The following MEGF11 variants were observed in gnomAD, a reference collection of about 807,000 sequenced individuals.
MEGF11 encodes multiple EGF like domains 11.
Under a neutral mutation model 146.6 loss-of-function variants are expected in MEGF11, and 126 were observed. The observed-to-expected ratio is 0.86, with a 90% confidence interval of 0.74 to 1.00. MEGF11 has a LOEUF of 1.00. Among genes scored for constraint, MEGF11 ranks in the 50% least tolerant of loss-of-function variants. The pLI is 0.00. For synonymous variants in MEGF11, 532 were observed against 583.4 expected (o/e 0.91, Z 1.27); for missense variants, 1,509 against 1,521.2 (o/e 0.99, Z 0.13).
At position 65,982,082 on chromosome 15, in the gene MEGF11, C is replaced by T. The variant is rs2081659792; in HGVS notation, c.641+160G>A. Among the ~76,000 whole-genome samples, 1 of 152,146 alleles carries T rather than the reference C, an allele frequency of 6.6e-6. No individual in the cohort carries two copies. The highest frequency in any genetic ancestry group is 2.1e-4 in the South Asian group (1 of 4,832). ...ATCCCTCCTGGTCCCACCACCCAGC[C>T]CACCCACAAGGAGCCCAGGGCTGGG... is the stretch of plus-strand genomic sequence containing the variant. On this transcript the variant is annotated intron_variant, in intron 6 of 25. Coordinates refer to ENST00000395614, the MANE Select transcript of MEGF11 (RefSeq NM_001385028.1). The surrounding 1 kb of genome is among the most constrained non-coding windows in gnomAD (Gnocchi z 5.6).
intron 1 of MEGF11, among the ~76,000 whole-genome samples, chr15:66,181,780 T>G (rs957864042): frequency 6.6e-6 from 1 of 152,198 alleles, no homozygotes; most frequent in Non-Finnish European, 1.5e-5. Flanking sequence ...GGAGGGGCGC[T>G]GTGTCTCTGC....
chr15:65,930,807 A>G lies in MEGF11; in HGVS notation c.1408+16T>C, dbSNP rs752929440. ...CTCATATGTCAGGGATGGGCTTGGG[A>G]GAGAGGGCACATTACCTTCCTTGCA... is the stretch of plus-strand genomic sequence containing the variant. On this transcript the variant is annotated intron_variant, in intron 11 of 25. Coordinates refer to ENST00000395614, the MANE Select transcript of MEGF11 (RefSeq NM_001385028.1). 1.9e-6 allele frequency: 3 copies of G among 1,595,642 alleles called. No individual in the cohort carries two copies. Among genetic ancestry groups the G allele is most frequent in the African/African-American group, 2.7e-5 (2 of 74,512 alleles).
At chr15:66,101,461 T>G (rs2086805204) in intron 4 of MEGF11, among the ~76,000 whole-genome samples, 1 of 152,136 alleles carries the variant, frequency 6.6e-6, no homozygotes, top group Non-Finnish European at 1.5e-5. Context: ...TTCCCCTGAC[T>G]GCACTGCCCA....
chr15:66,061,641 C>CCTTT (rs10646787), intron 5 of MEGF11, among the ~76,000 whole-genome samples: 1 of 143,306 alleles, frequency 7.0e-6, no homozygotes, highest in Non-Finnish European at 1.5e-5. Context: ...TTTTTTGAGC[C>CCTTT]TTTTTTTTTT....
chr15:66,068,193 T>A (rs1597049346), intron 5 of MEGF11, among the ~76,000 whole-genome samples: 1 of 152,358 alleles, frequency 6.6e-6, no homozygotes, highest in East Asian at 1.9e-4. Context: ...AGGGCAGGGA[T>A]CCTGTCCTGT....
intron 9 of MEGF11, among the ~76,000 whole-genome samples, chr15:65,958,118 G>A (rs746500256): frequency 5.3e-5 from 8 of 152,240 alleles, no homozygotes; most frequent in Non-Finnish European, 1.0e-4. Context: ...TAAGGTGAAT[G>A]CCTAGTGTGG....
chr15:65,929,639 C>T, intron 12 of MEGF11, 81 bp downstream of exon 12: 2 of 1,472,498 alleles, frequency 1.4e-6, no homozygotes, highest in Non-Finnish European at 1.8e-6. Flanking sequence ...TCTCTGTGCA[C>T]TCTTGTGGAC....
intron 1 of MEGF11, among the ~76,000 whole-genome samples, chr15:66,170,945 C>G (rs547492338): frequency 1.4e-4 from 21 of 152,184 alleles, no homozygotes; most frequent in Non-Finnish European, 2.8e-4. Context: ...AGCCCTGCCC[C>G]GGGGGACCAC....
chr15:66,243,811 G>T (rs1439669041), intron 1 of MEGF11, among the ~76,000 whole-genome samples: 1 of 152,096 alleles, frequency 6.6e-6, no homozygotes, highest in Non-Finnish European at 1.5e-5. Flanking sequence ...TTTTTGGTCT[G>T]AGAAAAGATA....
chr15:65,910,968 G>A (rs1396740414), intron 21 of MEGF11, among the ~76,000 whole-genome samples: 2 of 152,192 alleles, frequency 1.3e-5, no homozygotes, highest in Non-Finnish European at 2.9e-5. Flanking sequence ...GTCCTTGGGG[G>A]CTGTTCTTCC....
intron 1 of MEGF11, among the ~76,000 whole-genome samples, chr15:66,215,941 G>A (rs747728663): frequency 1.3e-5 from 2 of 152,124 alleles, no homozygotes; most frequent in Non-Finnish European, 1.5e-5. Flanking sequence ...ATTCTCAACC[G>A]AGGCTCTCCA....
At chr15:65,936,572 C>T (rs1339000250) in intron 10 of MEGF11, among the ~76,000 whole-genome samples, 1 of 152,168 alleles carries the variant, frequency 6.6e-6, no homozygotes, top group Non-Finnish European at 1.5e-5. Flanking sequence ...GCTCCAAGGG[C>T]ACAGAAGAGA....
rs139067694 is a variant in MEGF11 at position 66,092,653 on chromosome 15, G to A, written c.394+1749C>T. ...TCTCTTTCATTAGGCCAGAAACCCT[G>A]AAAAGACACAGACCATGTCTAAAAA... is the stretch of plus-strand genomic sequence containing the variant. On this transcript the variant is annotated intron_variant, in intron 5 of 25. Coordinates refer to ENST00000395614, the MANE Select transcript of MEGF11 (RefSeq NM_001385028.1). Among the ~76,000 whole-genome samples, 42 of 152,278 alleles carry A rather than the reference G, an allele frequency of 2.8e-4. No homozygotes were observed. The East Asian group carries it at 7.7e-3, about 28-fold the overall frequency.
In MEGF11 at chr15:65,964,931, GGGGCA is replaced by G; in HGVS notation, c.1084_1088del (p.Cys362LeufsTer2). The G allele has an allele frequency of 2.5e-6, 4 of 1,570,336 alleles. No homozygotes were observed. Among genetic ancestry groups the G allele is most frequent in the Non-Finnish European group, 3.5e-6 (4 of 1,157,098 alleles). ...ACCTGATGGTGTTGTCAGCGTCACA[GGGGCA>G]GGGCAGGGTGCAGCCTGGGCCATGC... On this transcript the variant is annotated frameshift_variant, in exon 9 of 26. Coordinates refer to ENST00000395614, the MANE Select transcript of MEGF11 (RefSeq NM_001385028.1). LOFTEE classifies it high-confidence loss of function.
rs747123730 is a variant in MEGF11 at position 66,107,826 on chromosome 15, C to T, written c.301+11260G>A. The stretch of plus-strand genomic sequence containing the variant: ...CATCCTTGTCATCAACCAGCCTGCA[C>T]GTTCCAGCACTGGGCCCTACAGATA... On this transcript the variant is annotated intron_variant, in intron 4 of 25. Coordinates refer to ENST00000395614, the MANE Select transcript of MEGF11 (RefSeq NM_001385028.1). Among the ~76,000 whole-genome samples the T allele has an allele frequency of 3.3e-5, 5 of 152,234 alleles. 1 individual carries two copies. Among genetic ancestry groups the T allele is most frequent in the African/African-American group, 9.6e-5 (4 of 41,452 alleles).
intron 5 of MEGF11, among the ~76,000 whole-genome samples, chr15:65,998,930 G>A (rs333547): frequency 0.64 from 96,710 of 151,978 alleles, 32,240 homozygotes; most frequent in Non-Finnish European, 0.74. Context: ...ACTTTGGAGG[G>A]AATCTAATGA....
intron 13 of MEGF11, among the ~76,000 whole-genome samples, chr15:65,927,817 C>T (rs890037248): frequency 6.6e-6 from 1 of 152,154 alleles, no homozygotes; most frequent in South Asian, 2.1e-4. Context: ...AGCCAGATCC[C>T]GTGGGCCCTG....
At chr15:65,952,082 ATTAG>A (rs1215263358) in intron 10 of MEGF11, among the ~76,000 whole-genome samples, 6 of 152,210 alleles carry the variant, frequency 3.9e-5, no homozygotes, top group African/African-American at 1.2e-4. Flanking sequence ...TTGTTCTATT[ATTAG>A]TTATTACTGT....
chr15:66,197,841 C>G (rs999549988), intron 1 of MEGF11, among the ~76,000 whole-genome samples: 1 of 152,214 alleles, frequency 6.6e-6, no homozygotes, highest in Non-Finnish European at 1.5e-5. Flanking sequence ...ATAAGGACCT[C>G]TTTAACGAAT....
Sources: allele counts gnomAD v4.1 joint callset (sites outside exome capture counted in the v4.1 genomes callset), GRCh38; gene constraint gnomAD v4.1.1; non-coding constraint Gnocchi (gnomAD v3.1); transcripts MANE v1.5; gene names NCBI Gene and HGNC (gene_info 2026-07-23, HGNC 2026-07-21).